The following ABCC4 variants were observed in gnomAD, a reference collection of about 807,000 sequenced individuals.
The protein encoded by ABCC4 is ATP binding cassette subfamily C member 4 (PEL blood group), also known as ATP-binding cassette sub-family C member 4.
A neutral mutation model predicts 168.5 loss-of-function variants in ABCC4; 102 were observed. The ratio of observed to expected loss-of-function variants is 0.61; its 90% CI spans 0.52 to 0.71. ABCC4 has a LOEUF of 0.71. ABCC4 is among the 30% of genes least tolerant of loss of function. ABCC4 has a pLI of 0.00. For missense variants in ABCC4, 1,402 were observed against 1,605.8 expected (o/e 0.87, Z 2.17); for synonymous variants, 617 against 590.7 (o/e 1.04, Z -0.65).
rs567183334 is a variant in ABCC4 at position 95,216,496 on chromosome 13, T to C, written c.532-5715A>G. Among the ~76,000 whole-genome samples, 10 of 150,936 alleles carry C rather than the reference T, an allele frequency of 6.6e-5. No homozygotes were observed. The East Asian group carries it at 1.6e-3, about 24-fold the overall frequency. ...CTGAAATCAAAACCTGTAGTACACA[T>C]CCCAGACCCAAAATATCTTTAATAA... On this transcript the variant is annotated intron_variant, in intron 4 of 30. Transcript: ENST00000645237.
intron 27 of ABCC4, among the ~76,000 whole-genome samples, chr13:95,045,577 A>G (rs529573952): frequency 3.3e-5 from 5 of 152,338 alleles, no homozygotes; most frequent in East Asian, 3.9e-4. Context: ...ACGGGGATAG[A>G]TGATGTTGAT....
At chr13:95,200,529 T>C (rs1184518483) in intron 8 of ABCC4, among the ~76,000 whole-genome samples, 4 of 152,172 alleles carry the variant, frequency 2.6e-5, no homozygotes, top group Admixed American at 1.3e-4. Context: ...GAGACTATCC[T>C]GGCCAACGTG....
At chr13:95,051,202 G>C (rs963723289) in intron 27 of ABCC4, among the ~76,000 whole-genome samples, 1 of 152,236 alleles carries the variant, frequency 6.6e-6, no homozygotes, top group Non-Finnish European at 1.5e-5. Context: ...CTGGAAAGCA[G>C]GGTGGGTGTG....
chr13:95,224,503 A>C (rs2039399931), intron 4 of ABCC4, among the ~76,000 whole-genome samples: 1 of 152,156 alleles, frequency 6.6e-6, no homozygotes, highest in African/African-American at 2.4e-5. Flanking sequence ...TTGGGAGGCC[A>C]AGGCAGGCAG....
At chr13:95,280,307 C>T (rs912702133) in intron 1 of ABCC4, among the ~76,000 whole-genome samples, 1 of 151,100 alleles carries the variant, frequency 6.6e-6, no homozygotes, top group Non-Finnish European at 1.5e-5. Context: ...ATCCCAGCTA[C>T]TCAGGAGGCT....
At chr13:95,029,101 TGAGCTGA>T (rs2031683356) in intron 30 of ABCC4, among the ~76,000 whole-genome samples, 1 of 149,992 alleles carries the variant, frequency 6.7e-6, no homozygotes, top group Non-Finnish European at 1.5e-5. Context: ...GAGACTGCAG[TGAGCTGA>T]GATTGCACCA....
intron 3 of ABCC4, among the ~76,000 whole-genome samples, chr13:95,236,602 G>GCACA (rs1555335144): frequency 3.9e-4 from 30 of 76,624 alleles, no homozygotes; most frequent in African/African-American, 1.1e-3. Flanking sequence ...GCGCGTGCGC[G>GCACA]CACACACACA....
intron 11 of ABCC4, among the ~76,000 whole-genome samples, chr13:95,184,706 C>T (rs2038003407): frequency 6.6e-6 from 1 of 152,186 alleles, no homozygotes; most frequent in Non-Finnish European, 1.5e-5. Flanking sequence ...TCACTTCTAA[C>T]CTGTCATAGA....
Position 95,283,767 on chromosome 13 carries a change from G to A in ABCC4, c.74+17474C>T, listed in dbSNP as rs188268721. On this transcript the variant is annotated intron_variant, in intron 1 of 30. Transcript: ENST00000645237. ...ACCCCGTCTCTATGGGCGTGGTGGT[G>A]CATACCTGTAATCCCAGCTACTAGG... Among the ~76,000 whole-genome samples, 4 of 151,228 alleles carry A rather than the reference G, an allele frequency of 2.6e-5. No individual in the cohort carries two copies. In the East Asian group the frequency reaches 7.8e-4, roughly 30 times the overall value.
intron 20 of ABCC4, among the ~76,000 whole-genome samples, chr13:95,099,885 C>T (rs1032934998): frequency 2.6e-5 from 4 of 152,146 alleles, no homozygotes; most frequent in Non-Finnish European, 5.9e-5. Context: ...ACCCATGCCC[C>T]ACATCAGATG....
chr13:95,247,608 C>T lies in ABCC4; in HGVS notation c.185+35G>A, dbSNP rs776534765. On this transcript the variant is annotated intron_variant, in intron 2 of 30. Coordinates refer to ENST00000645237, the MANE Select transcript of ABCC4 (RefSeq NM_005845.5). ...CACTCCCCACACACAGACACCCACG[C>T]TTCCTTAATGCCCACTTTACTGCCT... 9 of 1,543,718 alleles carry T rather than the reference C, an allele frequency of 5.8e-6. No individual in the cohort carries two copies. The Admixed American group carries it at 6.7e-5, about 12-fold the overall frequency.
intron 19 of ABCC4, among the ~76,000 whole-genome samples, chr13:95,141,925 T>C (rs1343646033): frequency 6.6e-6 from 1 of 152,246 alleles, no homozygotes; most frequent in South Asian, 2.1e-4. Flanking sequence ...GGACCATCAA[T>C]ACATAAAGGA....
At chr13:95,165,637 T>C (rs2037245947) in intron 15 of ABCC4, among the ~76,000 whole-genome samples, 1 of 152,210 alleles carries the variant, frequency 6.6e-6, no homozygotes, top group Non-Finnish European at 1.5e-5. Flanking sequence ...CAGGAACTGT[T>C]GGGTCTTTGC....
intron 5 of ABCC4, 50 bp downstream of exon 5, chr13:95,210,642 A>C (rs899496): frequency 1.4e-6 from 2 of 1,446,582 alleles, no homozygotes; most frequent in Admixed American, 3.4e-5. Context: ...ATAAAAGGGG[A>C]AAGAGGGGTG....
intron 19 of ABCC4, among the ~76,000 whole-genome samples, chr13:95,116,830 G>A (rs2035394111): frequency 6.6e-6 from 1 of 152,172 alleles, no homozygotes; most frequent in Non-Finnish European, 1.5e-5. Flanking sequence ...CGTGGATGCA[G>A]GTGACCCCTG....
chr13:95,269,900 A>C (rs1001144281), intron 1 of ABCC4, among the ~76,000 whole-genome samples: 3 of 152,346 alleles, frequency 2.0e-5, no homozygotes, highest in Admixed American at 2.0e-4. Context: ...CACTTCACTC[A>C]TCAGATGTGC....
Position 95,298,296 on chromosome 13 carries a change from C to T in ABCC4, c.74+2945G>A, listed in dbSNP as rs139081280. Among the ~76,000 whole-genome samples, 34 of 151,556 alleles carry T rather than the reference C, an allele frequency of 2.2e-4. No individual in the cohort carries two copies. In the East Asian group the frequency reaches 4.7e-3, roughly 21 times the overall value. ...AGAGCTGAGCAACAGAGAAAGACTC[C>T]GTCTCAAAAAAAAGAAATAAAGAAA... On this transcript the variant is annotated intron_variant, in intron 1 of 30. Transcript: ENST00000645237.
At chr13:95,262,387 A>G (rs2040554114) in intron 1 of ABCC4, among the ~76,000 whole-genome samples, 1 of 152,234 alleles carries the variant, frequency 6.6e-6, no homozygotes, top group Admixed American at 6.5e-5. Context: ...AGTCTATCTA[A>G]TTTGTTTCCT....
At chr13:95,162,508 A>G (rs141451342) in intron 18 of ABCC4, among the ~76,000 whole-genome samples, 2 of 152,314 alleles carry the variant, frequency 1.3e-5, no homozygotes, top group Non-Finnish European at 2.9e-5. Flanking sequence ...AATTAATCAC[A>G]CAGTTGGGGA....
Sources: gnomAD v4.1 joint callset for allele counts (sites outside exome capture counted in the v4.1 genomes callset) on GRCh38, gnomAD v4.1.1 for gene constraint, MANE v1.5 for transcripts, NCBI Gene and HGNC (gene_info 2026-07-23, HGNC 2026-07-21) for gene names.